Variants in PDE1A observed in about 807,000 individuals in gnomAD.
PDE1A encodes dual specificity calcium/calmodulin-dependent 3',5'-cyclic nucleotide phosphodiesterase 1A.
Under a neutral mutation model 61.7 loss-of-function variants are expected in PDE1A, and 35 were observed. That is an observed-to-expected ratio of 0.57 (90% CI 0.43 to 0.75). The LOEUF (loss-of-function observed/expected upper bound fraction) is 0.75. Among genes scored for constraint, PDE1A ranks in the 30% least tolerant of loss-of-function variants. The pLI is 0.00. For synonymous variants in PDE1A, 232 were observed against 213.2 expected, an observed-to-expected ratio of 1.09 and a Z score of -0.77; for missense variants, 597 against 630.6, an observed-to-expected ratio of 0.95 and a Z score of 0.57.
chr2:182,617,412 C>G, the PDE1A span, among the ~76,000 whole-genome samples: 2 of 152,190 alleles, frequency 1.3e-5, no homozygotes, highest in African/African-American at 2.4e-5. Context: ...TTTCTCCTGG[C>G]CCCTGCTCTA....
At chr2:182,534,979 G>C in the PDE1A span, among the ~76,000 whole-genome samples, 2,686 of 151,970 alleles carry the variant, frequency 0.018, 73 homozygotes, top group African/African-American at 0.061. Context: ...CACACATCTA[G>C]CTATTTTTTT....
chr2:182,231,658 G>A (rs751982937), intron 4 of PDE1A, among the ~76,000 whole-genome samples: 1 of 152,144 alleles, frequency 6.6e-6, no homozygotes, highest in Non-Finnish European at 1.5e-5. Context: ...GCTCATGCCT[G>A]TAATCCCAGC....
At chr2:182,380,137 G>GTCT (rs1700644575) in intron 1 of PDE1A, among the ~76,000 whole-genome samples, 1 of 116,054 alleles carries the variant, frequency 8.6e-6, no homozygotes, top group Admixed American at 1.1e-4. Flanking sequence ...TTGAGACAGA[G>GTCT]TCTTGCTCTG....
intron 7 of PDE1A, among the ~76,000 whole-genome samples, chr2:182,217,486 A>C (rs1246520459): frequency 7.4e-6 from 1 of 134,530 alleles, no homozygotes; most frequent in Non-Finnish European, 1.6e-5. Flanking sequence ...CAGGCAACCT[A>C]CAAAATGGGA....
chr2:182,455,698 A>G (rs927915098), intron 2 of PDE1A, among the ~76,000 whole-genome samples: 1 of 151,954 alleles, frequency 6.6e-6, no homozygotes. Flanking sequence ...ATAGGTGGGA[A>G]TTGAACAATG....
chr2:182,260,954 T>G (rs984818847), intron 2 of PDE1A, among the ~76,000 whole-genome samples: 10 of 152,176 alleles, frequency 6.6e-5, no homozygotes, highest in African/African-American at 2.4e-4. Context: ...CTATGTAACT[T>G]TTCTGTGATT....
At chr2:182,649,041 A>C in the PDE1A span, among the ~76,000 whole-genome samples, 1 of 152,260 alleles carries the variant, frequency 6.6e-6, no homozygotes, top group Non-Finnish European at 1.5e-5. Flanking sequence ...AGAATGGAAA[A>C]ATTGTGAGGT....
chr2:182,391,597 C>T (rs1232563844), intron 1 of PDE1A, among the ~76,000 whole-genome samples: 1 of 152,182 alleles, frequency 6.6e-6, no homozygotes, highest in Non-Finnish European at 1.5e-5. Flanking sequence ...TGTCATTGCT[C>T]TTCTCTATAT....
At chr2:182,344,477 ACAAT>A (rs1424019349) in intron 1 of PDE1A, among the ~76,000 whole-genome samples, 12 of 152,236 alleles carry the variant, frequency 7.9e-5, no homozygotes, top group Non-Finnish European at 1.3e-4. Context: ...TATTTTATAC[ACAAT>A]CACTCAGAGC....
At chr2:182,640,928 G>A in the PDE1A span, among the ~76,000 whole-genome samples, 1 of 147,646 alleles carries the variant, frequency 6.8e-6, no homozygotes, top group Non-Finnish European at 1.5e-5. Context: ...GCTGAGGCAG[G>A]AGAATTGCTT....
chr2:182,391,454 A>C (rs1701415189), intron 1 of PDE1A, among the ~76,000 whole-genome samples: 1 of 152,152 alleles, frequency 6.6e-6, no homozygotes, highest in Non-Finnish European at 1.5e-5. Flanking sequence ...AGGCTTAGGG[A>C]GATTGAAAGG....
At chr2:182,371,271 T>C (rs143177766) in intron 1 of PDE1A, among the ~76,000 whole-genome samples, 1 of 152,214 alleles carries the variant, frequency 6.6e-6, no homozygotes, top group African/African-American at 2.4e-5. Context: ...AGGCATTAGT[T>C]TCTATTTAAG....
chr2:182,564,000 CTT>C, the PDE1A span, among the ~76,000 whole-genome samples: 1,849 of 152,230 alleles, frequency 0.012, 44 homozygotes, highest in African/African-American at 0.042. Context: ...GGTCTTGACT[CTT>C]TATCCAATTT....
At chr2:182,608,541 C>CCGGCA in the PDE1A span, among the ~76,000 whole-genome samples, 7 of 152,184 alleles carry the variant, frequency 4.6e-5, no homozygotes, top group African/African-American at 1.7e-4. Flanking sequence ...GCTCGGCGGC[C>CCGGCA]CGGCACTCGG....
intron 1 of PDE1A, among the ~76,000 whole-genome samples, chr2:182,405,712 G>A (rs565769816): frequency 6.6e-6 from 1 of 152,198 alleles, no homozygotes; most frequent in Admixed American, 6.5e-5. Context: ...CTTCTGCATA[G>A]CATAGTAACT....
At chr2:182,600,442 GA>G in the PDE1A span, among the ~76,000 whole-genome samples, 24 of 152,096 alleles carry the variant, frequency 1.6e-4, no homozygotes, top group African/African-American at 5.8e-4. Flanking sequence ...TTGTGTAGCT[GA>G]AAAAAAATAT....
At chr2:182,386,089 C>T (rs11675803) in intron 1 of PDE1A, among the ~76,000 whole-genome samples, 34,036 of 152,134 alleles carry the variant, frequency 0.22, 4,785 homozygotes, top group East Asian at 0.35. Context: ...GCGAGTGATC[C>T]GCCAGCCTCG....
At chr2:182,332,272 A>G (rs1697464995) in intron 1 of PDE1A, among the ~76,000 whole-genome samples, 1 of 152,128 alleles carries the variant, frequency 6.6e-6, no homozygotes, top group South Asian at 2.1e-4. Flanking sequence ...CAAGGTTCTT[A>G]GCTTTCTTGC....
At chr2:182,677,485 T>C in the PDE1A span, among the ~76,000 whole-genome samples, 1 of 152,142 alleles carries the variant, frequency 6.6e-6, no homozygotes, top group African/African-American at 2.4e-5. Flanking sequence ...TCTGCCCAAA[T>C]GATTCGATGT....
Sources: allele counts gnomAD v4.1 joint callset (sites outside exome capture counted in the v4.1 genomes callset), GRCh38; gene constraint gnomAD v4.1.1; transcripts MANE v1.5; gene names NCBI Gene and HGNC (gene_info 2026-07-23, HGNC 2026-07-21).